The following FRMPD4 variants were observed in gnomAD, a reference collection of about 807,000 sequenced individuals.
The protein encoded by FRMPD4 is FERM and PDZ domain containing 4, also known as FERM and PDZ domain-containing protein 4.
A neutral mutation model predicts 94.1 loss-of-function variants in FRMPD4; 22 were observed. The ratio of observed to expected loss-of-function variants is 0.23; its 90% CI spans 0.17 to 0.33. FRMPD4 has a LOEUF of 0.33. FRMPD4 is among the 10% of genes least tolerant of loss of function. The pLI is 1.00. For missense variants in FRMPD4, 1,111 were observed against 1,339.9 expected, an observed-to-expected ratio of 0.83 and a Z score of 2.67; for synonymous variants, 631 against 548.6, an observed-to-expected ratio of 1.15 and a Z score of -2.10.
At chrX:12,055,494 C>T (rs2054848782) in intron 3 of FRMPD4, among the ~76,000 whole-genome samples, 1 of 111,911 alleles carries the variant, frequency 8.9e-6, no homozygotes, top group Non-Finnish European at 1.9e-5. Context: ...TGCCTTCTGC[C>T]GTGATTGGAG....
At chrX:12,481,461 T>C (rs1486527629) in intron 1 of FRMPD4, among the ~76,000 whole-genome samples, 2 of 111,216 alleles carry the variant, frequency 1.8e-5, no homozygotes, top group African/African-American at 6.5e-5. Flanking sequence ...TTAAGTACAA[T>C]TGACCCTTGA....
At chrX:12,018,870 G>A (rs1160245615) in intron 3 of FRMPD4, among the ~76,000 whole-genome samples, 1 of 111,901 alleles carries the variant, frequency 8.9e-6, no homozygotes, top group African/African-American at 3.3e-5. Context: ...ATCTTTTTGG[G>A]AGATGCAATT....
intron 3 of FRMPD4, among the ~76,000 whole-genome samples, chrX:12,004,574 G>T (rs2054540788): frequency 9.0e-6 from 1 of 111,666 alleles, no homozygotes; most frequent in Admixed American, 9.5e-5. Context: ...TTAAAAATAG[G>T]AACAAATTGG....
chrX:12,559,784 T>TTTTG (rs2058634184), intron 2 of FRMPD4, among the ~76,000 whole-genome samples: 1 of 111,726 alleles, frequency 9.0e-6, no homozygotes, highest in African/African-American at 3.2e-5. Flanking sequence ...AACTTGTGAC[T>TTTTG]TTTGCCTGGT....
At chrX:12,243,400 C>T (rs964406949) in intron 1 of FRMPD4, among the ~76,000 whole-genome samples, 19 of 112,567 alleles carry the variant, frequency 1.7e-4, no homozygotes, top group African/African-American at 6.1e-4. Flanking sequence ...GTGCAATCCA[C>T]ATCCTCTCTT....
At chrX:11,944,098 T>C (rs956472428) in intron 3 of FRMPD4, among the ~76,000 whole-genome samples, 4 of 112,517 alleles carry the variant, frequency 3.6e-5, no homozygotes, top group Non-Finnish European at 7.5e-5. Context: ...CCAGTAAAAC[T>C]TTCTTTACTG....
Position 12,047,268 on chromosome X carries a change from A to G in FRMPD4, c.95+169250A>G, listed in dbSNP as rs971943000. On this transcript the variant is annotated intron_variant, in intron 3 of 18. Coordinates refer to the FRMPD4 transcript ENST00000640291. ...AAAGTACATATAACACCACAAACAT[A>G]TAAGAAAAAGTACCTGTGAACTTGA... is the stretch of plus-strand genomic sequence containing the variant. Among the ~76,000 whole-genome samples the G allele has an allele frequency of 1.4e-4, 16 of 110,470 alleles. No homozygotes were observed. The South Asian group carries it at 5.7e-3, about 40-fold the overall frequency.
chrX:12,099,970 G>T (rs1601938139), intron 3 of FRMPD4, among the ~76,000 whole-genome samples: 1 of 112,293 alleles, frequency 8.9e-6, no homozygotes, highest in East Asian at 2.8e-4. Flanking sequence ...CCTGTGGCTT[G>T]TTTTTGTAAA....
chrX:11,847,978 CAT>C (rs2053590381), intron 1 of FRMPD4, among the ~76,000 whole-genome samples: 1 of 104,064 alleles, frequency 9.6e-6, no homozygotes, highest in Admixed American at 1.0e-4. Context: ...CACATGTAGA[CAT>C]ATGTAACTAA....
intron 3 of FRMPD4, among the ~76,000 whole-genome samples, chrX:12,068,819 C>G (rs1172425128): frequency 8.9e-6 from 1 of 112,074 alleles, no homozygotes; most frequent in Non-Finnish European, 1.9e-5. Context: ...CATTAAGTAA[C>G]AAATGTAATG....
At chrX:12,254,507 T>A (rs763675523) in intron 1 of FRMPD4, among the ~76,000 whole-genome samples, 45 of 111,807 alleles carry the variant, frequency 4.0e-4, no homozygotes, top group African/African-American at 1.4e-3. Context: ...TCTCTAGAGA[T>A]TCTTGATGGC....
Position 12,450,227 on chromosome X carries a change from TA to T in FRMPD4, c.42-48451del, listed in dbSNP as rs2057249259. Among the ~76,000 whole-genome samples the T allele has an allele frequency of 2.7e-5, 3 of 111,069 alleles. No individual in the cohort carries two copies. The South Asian group carries it at 1.1e-3, about 42-fold the overall frequency. On this transcript the variant is annotated intron_variant, in intron 1 of 16. Transcript: ENST00000675598. Reference sequence around the variant, plus strand: ...TGTTTGGGTTAGGTTCTATGACCTGTAATAGAAAATTAATAGTAACAGTTAT... The same window carrying T: ...TGTTTGGGTTAGGTTCTATGACCTGTATAGAAAATTAATAGTAACAGTTAT...
At chrX:11,826,008 T>C (rs1159953640) in intron 1 of FRMPD4, among the ~76,000 whole-genome samples, 5 of 112,423 alleles carry the variant, frequency 4.4e-5, no homozygotes, top group Admixed American at 3.8e-4. Context: ...CAAAATAATA[T>C]CTGATCAATA....
chrX:11,945,729 T>C (rs1291862868), intron 3 of FRMPD4, among the ~76,000 whole-genome samples: 2 of 111,210 alleles, frequency 1.8e-5, no homozygotes, highest in African/African-American at 3.3e-5. Flanking sequence ...AGTGAACTAA[T>C]AGAGAGGGAA....
intron 1 of FRMPD4, among the ~76,000 whole-genome samples, chrX:12,241,855 C>T (rs1225182783): frequency 9.2e-6 from 1 of 108,637 alleles, no homozygotes; most frequent in Non-Finnish European, 1.9e-5. Context: ...GAGCTATGAT[C>T]GCACCACTGC....
chrX:12,217,202 T>C (rs1428034743), intron 1 of FRMPD4, among the ~76,000 whole-genome samples: 1 of 112,064 alleles, frequency 8.9e-6, no homozygotes, highest in Non-Finnish European at 1.9e-5. Context: ...CTGTCTTTCT[T>C]GGTTTTGGAC....
intron 6 of FRMPD4, among the ~76,000 whole-genome samples, chrX:12,684,685 A>G (rs1027476797): frequency 1.4e-4 from 16 of 112,472 alleles, no homozygotes; most frequent in Non-Finnish European, 2.8e-4. Context: ...GTACAGAGGA[A>G]TCAATATGTA....
chrX:12,191,310 T>C (rs947014395), intron 1 of FRMPD4, among the ~76,000 whole-genome samples: 1 of 112,216 alleles, frequency 8.9e-6, no homozygotes, highest in Non-Finnish European at 1.9e-5. Context: ...TGCAGAATGA[T>C]ACAGCCACTT....
intron 1 of FRMPD4, among the ~76,000 whole-genome samples, chrX:12,274,881 C>T (rs1164089641): frequency 9.0e-6 from 1 of 111,719 alleles, no homozygotes; most frequent in Non-Finnish European, 1.9e-5. Context: ...CGGTGGTGGG[C>T]ACCTGTAGTC....
Sources: allele counts gnomAD v4.1 joint callset (sites outside exome capture counted in the v4.1 genomes callset), GRCh38; gene constraint gnomAD v4.1.1; transcripts MANE v1.5; gene names NCBI Gene and HGNC (gene_info 2026-07-23, HGNC 2026-07-21).